RSU1: variants seen among roughly 807,000 people sequenced by gnomAD.
The protein encoded by RSU1 is rsu-1.
In RSU1, 26 loss-of-function variants were observed where a neutral mutation model predicts 31.1. That is an observed-to-expected ratio of 0.84 (90% CI 0.61 to 1.16). The LOEUF is 1.16. Among genes scored for constraint, RSU1 ranks in the 50% most tolerant of loss-of-function variants. The pLI is 0.00. For missense variants in RSU1, 320 were observed against 339.1 expected (o/e 0.94, Z 0.44); for synonymous variants, 164 against 136.3 (o/e 1.20, Z -1.41).
At chr10:16,800,419 CACAA>C (rs1234327409) in intron 2 of RSU1, among the ~76,000 whole-genome samples, 1 of 152,116 alleles carries the variant, frequency 6.6e-6, no homozygotes, top group Non-Finnish European at 1.5e-5. Flanking sequence ...TGCTAGAGTT[CACAA>C]ACACTGTAAC....
chr10:16,645,990 ATG>A (rs1252576209), intron 8 of RSU1, among the ~76,000 whole-genome samples: 970 of 69,298 alleles, frequency 0.014, 179 homozygotes, highest in Non-Finnish European at 0.02. Context: ...ATATACATAT[ATG>A]TGTATATATA....
In RSU1 at chr10:16,593,490, G is replaced by T; in HGVS notation, c.738C>A (p.Tyr246Ter). 1.2e-6 allele frequency: 2 copies of T among 1,612,762 alleles called. No homozygotes were observed. Among genetic ancestry groups the T allele is most frequent in the African/African-American group, 2.7e-5 (2 of 74,992 alleles). ...YIRSETYKYL[Y>*]GRHMQANPEP... ...CTGGGTTGGCCTGCATGTGTCTGCCGTAGAGGCTGCAAAGACAGAGAAAGG... is the reference window on the plus strand; with the variant it reads ...CTGGGTTGGCCTGCATGTGTCTGCCTTAGAGGCTGCAAAGACAGAGAAAGG... Residue 246 changes from tyrosine to a stop codon, truncating the protein, a stop_gained, in exon 9 of 9, where the codon TAC (tyrosine) becomes TAA (stop). Transcript: ENST00000345264. LOFTEE classifies it high-confidence loss of function.
chr10:16,737,791 A>G (rs866001634), intron 7 of RSU1, among the ~76,000 whole-genome samples: 6 of 152,140 alleles, frequency 3.9e-5, no homozygotes, highest in African/African-American at 9.7e-5. Flanking sequence ...GAGTTATAAC[A>G]TATCAACTAA....
chr10:16,604,587 G>A (rs1833770334), intron 8 of RSU1, among the ~76,000 whole-genome samples: 1 of 152,150 alleles, frequency 6.6e-6, no homozygotes, highest in Admixed American at 6.5e-5. Context: ...AGGGGCTTCT[G>A]TTTCCCATCA....
At chr10:16,702,766 T>C (rs889384035) in intron 7 of RSU1, among the ~76,000 whole-genome samples, 6 of 152,190 alleles carry the variant, frequency 3.9e-5, no homozygotes, top group African/African-American at 1.4e-4. Context: ...TTTGAGTTAA[T>C]GCTGGAATGA....
intron 2 of RSU1, among the ~76,000 whole-genome samples, chr10:16,803,908 G>A (rs1252204903): frequency 6.6e-6 from 1 of 152,108 alleles, no homozygotes; most frequent in African/African-American, 2.4e-5. Context: ...AAATCTAGTT[G>A]ACCTGAGATT....
chr10:16,669,380 C>A (rs371217047), intron 8 of RSU1, among the ~76,000 whole-genome samples: 22 of 151,848 alleles, frequency 1.4e-4, no homozygotes, highest in Non-Finnish European at 2.8e-4. Flanking sequence ...TTTTCCCCCC[C>A]CAAAGCACCA....
At chr10:16,665,407 G>T (rs1026890570) in intron 8 of RSU1, among the ~76,000 whole-genome samples, 1 of 152,180 alleles carries the variant, frequency 6.6e-6, no homozygotes, top group African/African-American at 2.4e-5. Flanking sequence ...ACTAAAGGAA[G>T]TCTGACTCCA....
At chr10:16,674,563 C>G (rs1467204198) in intron 8 of RSU1, among the ~76,000 whole-genome samples, 2 of 152,022 alleles carry the variant, frequency 1.3e-5, no homozygotes, top group Non-Finnish European at 2.9e-5. Flanking sequence ...AACTACGTCT[C>G]CCGCTCTTGC....
intron 7 of RSU1, among the ~76,000 whole-genome samples, chr10:16,697,769 A>G (rs1835709144): frequency 6.6e-6 from 1 of 152,142 alleles, no homozygotes; most frequent in Non-Finnish European, 1.5e-5. Context: ...ATAGCACAGA[A>G]ATGAATTCCT....
intron 7 of RSU1, among the ~76,000 whole-genome samples, chr10:16,708,102 T>C (rs941003936): frequency 1.3e-5 from 2 of 152,144 alleles, no homozygotes; most frequent in African/African-American, 4.8e-5. Context: ...CAGTAACATG[T>C]TTAGGTTCCC....
At chr10:16,638,388 C>T (rs7894844) in intron 8 of RSU1, among the ~76,000 whole-genome samples, 15 of 152,140 alleles carry the variant, frequency 9.9e-5, no homozygotes, top group South Asian at 4.1e-4. Flanking sequence ...TATCACACAT[C>T]GTGGCCTCAA....
At chr10:16,673,648 G>A (rs1056875868) in intron 8 of RSU1, among the ~76,000 whole-genome samples, 4 of 152,200 alleles carry the variant, frequency 2.6e-5, no homozygotes, top group Non-Finnish European at 5.9e-5. Flanking sequence ...CAACAGGTCA[G>A]GCTCCATCTC....
intron 7 of RSU1, among the ~76,000 whole-genome samples, chr10:16,715,860 C>T (rs955950506): frequency 4.6e-5 from 7 of 152,248 alleles, no homozygotes; most frequent in Non-Finnish European, 7.4e-5. Context: ...ATTTTCATAG[C>T]GAGTGCATTA....
intron 8 of RSU1, among the ~76,000 whole-genome samples, chr10:16,666,412 T>A (rs921247087): frequency 5.3e-5 from 8 of 152,170 alleles, no homozygotes; most frequent in Non-Finnish European, 1.5e-5. Context: ...AACTGCACTC[T>A]CAAATAACAT....
At chr10:16,638,917 C>G (rs1037675645) in intron 8 of RSU1, among the ~76,000 whole-genome samples, 1 of 152,214 alleles carries the variant, frequency 6.6e-6, no homozygotes, top group Non-Finnish European at 1.5e-5. Context: ...ATTCATCTTC[C>G]TCCTGTGTTT....
At chr10:16,716,740 C>T (rs945917552) in intron 7 of RSU1, among the ~76,000 whole-genome samples, 2 of 151,970 alleles carry the variant, frequency 1.3e-5, no homozygotes, top group Admixed American at 1.3e-4. Context: ...AACTAAAGAG[C>T]CCTTTCAGAG....
chr10:16,806,272 G>A (rs1588548858), intron 2 of RSU1, among the ~76,000 whole-genome samples: 1 of 152,160 alleles, frequency 6.6e-6, no homozygotes, highest in East Asian at 1.9e-4. Flanking sequence ...ACATGACCGG[G>A]TGGCCACAGG....
At chr10:16,775,159 C>T (rs1349534350) in intron 3 of RSU1, among the ~76,000 whole-genome samples, 1 of 152,234 alleles carries the variant, frequency 6.6e-6, no homozygotes, top group African/African-American at 2.4e-5. Flanking sequence ...TGTACACACA[C>T]ATCAAGTGAT....
Sources: allele counts gnomAD v4.1 joint callset (sites outside exome capture counted in the v4.1 genomes callset), GRCh38; gene constraint gnomAD v4.1.1; transcripts MANE v1.5; gene names NCBI Gene and HGNC (gene_info 2026-07-23, HGNC 2026-07-21).